The following MYRIP variants were observed in gnomAD, a reference collection of about 807,000 sequenced individuals.
MYRIP encodes the protein myosin VIIA and Rab interacting protein, also known as rab effector MyRIP.
A neutral mutation model predicts 98.0 loss-of-function variants in MYRIP; 49 were observed. The observed-to-expected ratio is 0.50, with a 90% CI of 0.40 to 0.63. MYRIP has a LOEUF of 0.63. Among genes scored for constraint, MYRIP ranks in the 30% least tolerant of loss-of-function variants. The pLI is 0.00. For missense variants in MYRIP, 1,004 were observed against 1,058.2 expected (o/e 0.95, Z 0.71); for synonymous variants, 404 against 409.5 (o/e 0.99, Z 0.16).
At chr3:40,074,688 C>T (rs376803872) in intron 3 of MYRIP, among the ~76,000 whole-genome samples, 2 of 152,098 alleles carry the variant, frequency 1.3e-5, no homozygotes, top group South Asian at 2.1e-4. Context: ...GAAGACCAGA[C>T]CACAGACTGG....
chr3:40,071,432 G>A (rs572081689), intron 3 of MYRIP, among the ~76,000 whole-genome samples: 1 of 152,178 alleles, frequency 6.6e-6, no homozygotes, highest in Non-Finnish European at 1.5e-5. Flanking sequence ...CATAGAGAAT[G>A]GGGTAAAAGC....
chr3:40,007,273 G>A (rs564845817), intron 2 of MYRIP, among the ~76,000 whole-genome samples: 3 of 151,880 alleles, frequency 2.0e-5, no homozygotes, highest in Non-Finnish European at 2.9e-5. Context: ...CCTAGGACTT[G>A]GCCATCATCA....
chr3:39,896,558 G>A (rs988568247), intron 1 of MYRIP, among the ~76,000 whole-genome samples: 16 of 152,122 alleles, frequency 1.1e-4, no homozygotes, highest in Non-Finnish European at 2.4e-4. Context: ...TAACATTTAG[G>A]TTTCTCTATA....
At chr3:40,207,975 T>C (rs1001369191) in intron 10 of MYRIP, among the ~76,000 whole-genome samples, 1 of 152,198 alleles carries the variant, frequency 6.6e-6, no homozygotes, top group African/African-American at 2.4e-5. Flanking sequence ...TTCAATTGTA[T>C]GCAGTGAAAG....
chr3:39,983,823 C>T (rs1008305778), intron 2 of MYRIP, among the ~76,000 whole-genome samples: 3 of 152,098 alleles, frequency 2.0e-5, no homozygotes, highest in African/African-American at 7.2e-5. Context: ...TACTTGATTC[C>T]TCAATATAAA....
At chr3:40,231,583 C>A (rs1246407527) in intron 11 of MYRIP, among the ~76,000 whole-genome samples, 2 of 152,182 alleles carry the variant, frequency 1.3e-5, no homozygotes, top group African/African-American at 4.8e-5. Flanking sequence ...CAATGATGGT[C>A]AAACAGTATT....
chr3:39,995,949 G>A (rs976686148), intron 2 of MYRIP, among the ~76,000 whole-genome samples: 1 of 152,132 alleles, frequency 6.6e-6, no homozygotes, highest in African/African-American at 2.4e-5. Context: ...ATAAGTGAAG[G>A]AGAAATAAAA....
chr3:40,182,227 A>C lies in MYRIP; in HGVS notation c.881A>C (p.Gln294Pro). ...YRAPAALWRSQSAFSITGEEA... is the reference protein window; with the variant it reads ...YRAPAALWRSPSAFSITGEEA... Reference sequence around the variant, plus strand: ...CCTCTTTCCTTTCCACAGAGGTCCCAGTCTGCCTTCTCAATCACTGGAGAA... The same window carrying C: ...CCTCTTTCCTTTCCACAGAGGTCCCCGTCTGCCTTCTCAATCACTGGAGAA... The change falls in exon 9 of 17, where the codon CAG becomes CCG. Residue 294 changes from glutamine to proline, a missense_variant. Coordinates refer to ENST00000302541, the MANE Select transcript of MYRIP (RefSeq NM_015460.4). 6.2e-7 allele frequency: 1 copy of C among 1,610,134 alleles called. No homozygotes were observed. The highest frequency in any genetic ancestry group is 1.1e-5 in the South Asian group (1 of 90,232).
At chr3:39,960,107 C>T (rs770304903) in intron 2 of MYRIP, among the ~76,000 whole-genome samples, 15 of 152,070 alleles carry the variant, frequency 9.9e-5, no homozygotes, top group Non-Finnish European at 1.8e-4. Context: ...GTGGGATCAG[C>T]AGTGGATGTG....
intron 2 of MYRIP, among the ~76,000 whole-genome samples, chr3:39,916,985 A>G (rs760727338): frequency 9.2e-5 from 14 of 152,018 alleles, no homozygotes; most frequent in Non-Finnish European, 1.3e-4. Flanking sequence ...AATGGCTGAT[A>G]TAAAAACCCA....
At chr3:40,106,916 CT>C (rs1333681428) in intron 3 of MYRIP, among the ~76,000 whole-genome samples, 1 of 151,544 alleles carries the variant, frequency 6.6e-6, no homozygotes, top group Non-Finnish European at 1.5e-5. Context: ...TTCTCTATGA[CT>C]TTTTTGATAT....
chr3:39,840,171 T>C (rs1054993759), intron 1 of MYRIP, among the ~76,000 whole-genome samples: 1 of 152,212 alleles, frequency 6.6e-6, no homozygotes, highest in Admixed American at 6.5e-5. Flanking sequence ...TGGGTGCATA[T>C]ATATTTAGGA....
rs1941363855 is a variant in MYRIP at position 39,829,279 on chromosome 3, A to G, written c.-31+19363A>G. On this transcript the variant is annotated intron_variant, in intron 1 of 16. Transcript: ENST00000302541. The stretch of plus-strand genomic sequence containing the variant: ...ATTATTGTGTTTCTTTAGATGTGTC[A>G]TGTTTTCTTGCATTTTTATGTTTGA... 3.9e-5 allele frequency among the ~76,000 whole-genome samples: 6 copies of G among 152,116 alleles called. No homozygotes were observed. In the South Asian group the frequency reaches 1.2e-3, roughly 32 times the overall value.
chr3:39,879,500 CT>C (rs1421547964), intron 1 of MYRIP, among the ~76,000 whole-genome samples: 3 of 151,686 alleles, frequency 2.0e-5, no homozygotes, highest in Non-Finnish European at 4.4e-5. Context: ...ATTGAGTTTT[CT>C]TTTTTAAGGC....
chr3:40,195,969 C>T (rs1043944289), intron 10 of MYRIP, among the ~76,000 whole-genome samples: 1 of 152,050 alleles, frequency 6.6e-6, no homozygotes, highest in Non-Finnish European at 1.5e-5. Context: ...TACATTTTCA[C>T]AGGCAATCAT....
chr3:40,067,046 A>G (rs1425084091), intron 3 of MYRIP, among the ~76,000 whole-genome samples: 1 of 152,252 alleles, frequency 6.6e-6, no homozygotes, highest in Non-Finnish European at 1.5e-5. Flanking sequence ...TAGAATCAAG[A>G]AAACAATGAC....
intron 3 of MYRIP, among the ~76,000 whole-genome samples, chr3:40,061,461 C>T (rs80040547): frequency 0.26 from 40,190 of 152,152 alleles, 5,502 homozygotes; most frequent in East Asian, 0.36. Context: ...ATATGTGCCA[C>T]ATTTTCCTTA....
chr3:39,890,490 T>G (rs1943457057), intron 1 of MYRIP, among the ~76,000 whole-genome samples: 1 of 152,128 alleles, frequency 6.6e-6, no homozygotes, highest in Non-Finnish European at 1.5e-5. Flanking sequence ...GTTGTTTTAC[T>G]TTTGTGCTTA....
chr3:40,250,599 G>A (rs191761327), intron 15 of MYRIP, 100 bp downstream of exon 15: 2 of 1,338,004 alleles, frequency 1.5e-6, no homozygotes, highest in African/African-American at 1.5e-5. Context: ...ATCTAATGGA[G>A]TGTTCTCACA....
Sources: gnomAD v4.1 joint callset for allele counts (sites outside exome capture counted in the v4.1 genomes callset) on GRCh38, gnomAD v4.1.1 for gene constraint, MANE v1.5 for transcripts, NCBI Gene and HGNC (gene_info 2026-07-23, HGNC 2026-07-21) for gene names.